DEUP1: variants seen among roughly 807,000 people sequenced by gnomAD.
DEUP1 encodes the protein coiled-coil domain containing 67.
A neutral mutation model predicts 87.4 loss-of-function variants in DEUP1; 82 were observed. The observed-to-expected ratio is 0.94, with a 90% CI of 0.78 to 1.13. The LOEUF is 1.13. DEUP1 is among the 50% of genes most tolerant of loss of function. The pLI, the probability that DEUP1 is intolerant of heterozygous loss-of-function variation, is 0.00. For missense variants in DEUP1, 663 were observed against 681.5 expected (o/e 0.97, Z 0.30); for synonymous variants, 214 against 222.7 (o/e 0.96, Z 0.35).
chr11:93,371,119 A>G lies in DEUP1; in HGVS notation c.628A>G (p.Ile210Val). ...CAGCAGCTCTGAAATTCCTCGTTTGATATGTGACCCAGATCCCAATTGTGA... is the reference window on the plus strand; with the variant it reads ...CAGCAGCTCTGAAATTCCTCGTTTGGTATGTGACCCAGATCCCAATTGTGA... Reference protein sequence around the residue: ...EDSSSEIPRLICDPDPNCEIN... With the variant: ...EDSSSEIPRLVCDPDPNCEIN... Residue 210 changes from isoleucine (I) to valine (V), a missense_variant, in exon 7 of 14, where the codon ATA (isoleucine) becomes GTA (valine). Transcript: ENST00000298050. The G allele has an allele frequency of 3.7e-6, 6 of 1,613,054 alleles. No individual in the cohort carries two copies. The highest frequency in any genetic ancestry group is 5.1e-6 in the Non-Finnish European group (6 of 1,179,400).
intron 12 of DEUP1, among the ~76,000 whole-genome samples, chr11:93,410,679 G>A (rs1482373019): frequency 6.6e-6 from 1 of 152,180 alleles, no homozygotes; most frequent in Admixed American, 6.5e-5. Flanking sequence ...AGCTTTAGAT[G>A]GAGATACCAG....
At chr11:93,336,807 C>T (rs1011183992) in intron 2 of DEUP1, among the ~76,000 whole-genome samples, 4 of 152,150 alleles carry the variant, frequency 2.6e-5, no homozygotes, top group Non-Finnish European at 5.9e-5. Flanking sequence ...TTGCTACTTC[C>T]AGATGTATCT....
intron 5 of DEUP1, among the ~76,000 whole-genome samples, chr11:93,369,359 C>T (rs1332789036): frequency 6.6e-6 from 1 of 151,682 alleles, no homozygotes; most frequent in East Asian, 1.9e-4. Context: ...AAGCCCCACC[C>T]TCTAAAAAAA....
intron 9 of DEUP1, among the ~76,000 whole-genome samples, chr11:93,390,955 G>A (rs533301748): frequency 2.3e-4 from 35 of 151,978 alleles, no homozygotes; most frequent in African/African-American, 7.0e-4. Context: ...GGTGGCAGGC[G>A]CCTGTAATCC....
At chr11:93,365,086 A>C (rs1271905400) in intron 5 of DEUP1, among the ~76,000 whole-genome samples, 9 of 151,982 alleles carry the variant, frequency 5.9e-5, no homozygotes, top group Non-Finnish European at 1.2e-4. Flanking sequence ...CCCTTATGTT[A>C]TCCCACTTAA....
chr11:93,339,917 A>G (rs184039469), intron 2 of DEUP1, among the ~76,000 whole-genome samples: 15 of 152,308 alleles, frequency 9.8e-5, no homozygotes, highest in African/African-American at 3.6e-4. Flanking sequence ...GGCAGTAATG[A>G]GGTGGCATTC....
At chr11:93,420,621 T>C (rs1304179554) in intron 13 of DEUP1, among the ~76,000 whole-genome samples, 8 of 146,844 alleles carry the variant, frequency 5.4e-5, no homozygotes, top group Non-Finnish European at 1.0e-4. Context: ...GGAAGTCAAA[T>C]TGTCCCTGTT....
chr11:93,383,716 A>G (rs986463223), intron 7 of DEUP1: 1 of 525,848 alleles, frequency 1.9e-6, no homozygotes, highest in Non-Finnish European at 3.4e-6. Context: ...TGAACAAACA[A>G]TTTTTTAAAA....
At chr11:93,390,191 G>C (rs1946724210) in intron 9 of DEUP1, among the ~76,000 whole-genome samples, 1 of 152,182 alleles carries the variant, frequency 6.6e-6, no homozygotes, top group Non-Finnish European at 1.5e-5. Context: ...GCACTGCATA[G>C]TGCTTGACAC....
intron 2 of DEUP1, among the ~76,000 whole-genome samples, chr11:93,341,719 C>T (rs1841712589): frequency 6.6e-6 from 1 of 152,142 alleles, no homozygotes; most frequent in Admixed American, 6.5e-5. Flanking sequence ...AAGACCCTGT[C>T]TCTTAAAGAT....
At chr11:93,330,434 G>A (rs1943407810), upstream of DEUP1, among the ~76,000 whole-genome samples, 1 of 152,240 alleles carries the variant, frequency 6.6e-6, no homozygotes, top group Admixed American at 6.5e-5. Context: ...GGCACTGGAC[G>A]TATAACTGCG....
At chr11:93,407,952 G>A (rs1947328634) in intron 11 of DEUP1, among the ~76,000 whole-genome samples, 1 of 151,804 alleles carries the variant, frequency 6.6e-6, no homozygotes, top group Non-Finnish European at 1.5e-5. Flanking sequence ...TTTCTGTTTT[G>A]GGGCATGAGC....
chr11:93,333,249 CA>C (rs1198977835), intron 2 of DEUP1, among the ~76,000 whole-genome samples: 1 of 152,166 alleles, frequency 6.6e-6, no homozygotes, highest in African/African-American at 2.4e-5. Context: ...ATGTCTGTTT[CA>C]TATAGTCGTC....
At chr11:93,387,893 A>G (rs551784452) in intron 8 of DEUP1, among the ~76,000 whole-genome samples, 1 of 152,140 alleles carries the variant, frequency 6.6e-6, no homozygotes, top group Non-Finnish European at 1.5e-5. Context: ...TTCTAATTAT[A>G]TGGGAAGTGT....
chr11:93,370,844 T>C (rs112823406), intron 6 of DEUP1, among the ~76,000 whole-genome samples, 194 bp from the exon 7 acceptor site: 26 of 152,300 alleles, frequency 1.7e-4, no homozygotes, highest in African/African-American at 6.0e-4. Context: ...GTTATACAAA[T>C]ATATTTTCTC....
intron 13 of DEUP1, among the ~76,000 whole-genome samples, chr11:93,418,473 C>T (rs1217703107): frequency 2.6e-5 from 4 of 152,080 alleles, no homozygotes; most frequent in Non-Finnish European, 5.9e-5. Context: ...AAATCAAAAC[C>T]ACAATGCGAT....
At chr11:93,383,725 A>G in intron 7 of DEUP1, 1 of 514,604 alleles carries the variant, frequency 1.9e-6, no homozygotes, top group Non-Finnish European at 3.4e-6. Flanking sequence ...AATTTTTTAA[A>G]ATATAGTGTT....
chr11:93,361,336 A>G (rs768581785), intron 4 of DEUP1, among the ~76,000 whole-genome samples: 11 of 152,186 alleles, frequency 7.2e-5, no homozygotes, highest in Non-Finnish European at 1.6e-4. Flanking sequence ...ACATCAGCGA[A>G]GAAGTAAAAA....
intron 7 of DEUP1, 123 bp from the exon 8 acceptor site, chr11:93,385,275 G>C: frequency 2.3e-6 from 2 of 874,994 alleles, no homozygotes; most frequent in Non-Finnish European, 3.5e-6. Flanking sequence ...GACAGAACAA[G>C]CAAAGGACTA....
Sources: allele counts gnomAD v4.1 joint callset (sites outside exome capture counted in the v4.1 genomes callset), GRCh38; gene constraint gnomAD v4.1.1; transcripts MANE v1.5; gene names NCBI Gene and HGNC (gene_info 2026-07-23, HGNC 2026-07-21).